Variants in IQGAP2 observed in about 807,000 individuals in gnomAD.
The protein encoded by IQGAP2 is IQ motif containing GTPase activating protein 2.
Under a neutral mutation model 201.3 loss-of-function variants are expected in IQGAP2, and 173 were observed. The observed-to-expected ratio is 0.86, with a 90% CI of 0.76 to 0.98. The LOEUF (loss-of-function observed/expected upper bound fraction) is 0.98, where lower values mean the gene tolerates loss of function less well. Ranked by LOEUF, IQGAP2 falls within the 50% of genes least tolerant of loss-of-function variation. The pLI is 0.00. For synonymous variants in IQGAP2, 675 were observed against 673.9 expected, an observed-to-expected ratio of 1.00 and a Z score of -0.03; for missense variants, 1,687 against 1,864.8, an observed-to-expected ratio of 0.90 and a Z score of 1.76.
intron 2 of IQGAP2, among the ~76,000 whole-genome samples, chr5:76,483,609 C>T (rs1301220067): frequency 1.3e-5 from 2 of 152,142 alleles, no homozygotes; most frequent in East Asian, 1.9e-4. Context: ...TCGAGTCAAG[C>T]ACATAAAAGG....
intron 2 of IQGAP2, among the ~76,000 whole-genome samples, chr5:76,524,793 G>T (rs181298398): frequency 1.3e-5 from 2 of 152,314 alleles, no homozygotes; most frequent in Admixed American, 1.3e-4. Flanking sequence ...AATAGCCTTT[G>T]AAAGATTTAG....
At chr5:76,506,530 G>A (rs1757615605) in intron 2 of IQGAP2, among the ~76,000 whole-genome samples, 1 of 152,128 alleles carries the variant, frequency 6.6e-6, no homozygotes, top group African/African-American at 2.4e-5. Context: ...CTCCAAAATA[G>A]ACAGTAACAG....
chr5:76,484,033 A>G (rs1170002225), intron 2 of IQGAP2, among the ~76,000 whole-genome samples: 2 of 150,264 alleles, frequency 1.3e-5, no homozygotes, highest in East Asian at 2.0e-4. Context: ...AGGGATACAC[A>G]TTTTTTGAGG....
chr5:76,677,197 G>A, intron 27 of IQGAP2, 21 bp from the exon 28 acceptor site: 1 of 1,609,648 alleles, frequency 6.2e-7, no homozygotes, highest in Non-Finnish European at 8.5e-7. Context: ...TCTGTCTTAA[G>A]ACTTTTCCCC....
At chr5:76,597,189 T>C (rs1015845581) in intron 9 of IQGAP2, 2 of 445,204 alleles carry the variant, frequency 4.5e-6, no homozygotes, top group Admixed American at 7.3e-5. Context: ...GAAGTCATGC[T>C]ACTCAGGAAT....
chr5:76,593,825 T>C (rs1269075642), intron 9 of IQGAP2, among the ~76,000 whole-genome samples: 1 of 152,214 alleles, frequency 6.6e-6, no homozygotes, highest in Admixed American at 6.5e-5. Context: ...AACATCCTCG[T>C]TGAGTTTTGA....
chr5:76,705,242 T>C (rs958217751), intron 35 of IQGAP2, among the ~76,000 whole-genome samples: 5 of 152,200 alleles, frequency 3.3e-5, no homozygotes, highest in African/African-American at 9.6e-5. Flanking sequence ...AGGATTCCAG[T>C]TGATCCTGCA....
intron 2 of IQGAP2, among the ~76,000 whole-genome samples, chr5:76,550,287 G>C (rs1278343376): frequency 6.6e-6 from 1 of 151,730 alleles, no homozygotes; most frequent in South Asian, 2.1e-4. Context: ...CAATTTTAAG[G>C]CCTGAAAATA....
chr5:76,678,744 T>C (rs1002729602), intron 28 of IQGAP2, among the ~76,000 whole-genome samples: 4 of 152,228 alleles, frequency 2.6e-5, no homozygotes, highest in Non-Finnish European at 5.9e-5. Flanking sequence ...TTCTCAAAGG[T>C]TGTGCTCTAG....
chr5:76,510,442 G>T, intron 2 of IQGAP2: 1 of 289,466 alleles, frequency 3.5e-6, no homozygotes, highest in South Asian at 3.0e-5. Context: ...CAGGGGTGGC[G>T]CCTGAGGGTC....
chr5:76,634,225 C>G (rs1750943187), intron 15 of IQGAP2, among the ~76,000 whole-genome samples: 1 of 151,748 alleles, frequency 6.6e-6, no homozygotes, highest in African/African-American at 2.4e-5. Flanking sequence ...GTGGTTGTTT[C>G]AGAGACCCAT....
intron 2 of IQGAP2, among the ~76,000 whole-genome samples, chr5:76,501,567 C>T (rs1757274765): frequency 6.6e-6 from 1 of 151,762 alleles, no homozygotes; most frequent in Non-Finnish European, 1.5e-5. Flanking sequence ...CTTCCTCCCA[C>T]CCCATACCAC....
chr5:76,623,122 A>G (rs1749871437), intron 13 of IQGAP2: 1 of 1,587,354 alleles, frequency 6.3e-7, no homozygotes, highest in African/African-American at 1.3e-5. Context: ...TTAATTTGTA[A>G]CAGAAACCCA....
In IQGAP2 at chr5:76,526,207, G is replaced by A. The variant is rs1346589185; in HGVS notation, c.147-36189G>A. ...GATGAGACCTACTTTGTACAGTTGT[G>A]GAAAGGCATAGGAAGATCATGCCTA... On this transcript the variant is annotated intron_variant, in intron 2 of 35. Coordinates refer to ENST00000274364, the MANE Select transcript of IQGAP2 (RefSeq NM_006633.5). Among the ~76,000 whole-genome samples, 3 of 152,272 alleles carry A rather than the reference G, an allele frequency of 2.0e-5. No individual in the cohort carries two copies. In the South Asian group the frequency reaches 6.2e-4, roughly 32 times the overall value.
chr5:76,429,573 A>G (rs1752220326), intron 1 of IQGAP2, among the ~76,000 whole-genome samples: 1 of 133,008 alleles, frequency 7.5e-6, no homozygotes, highest in Non-Finnish European at 1.6e-5. Flanking sequence ...CTCTGTCTCA[A>G]AAAAAAATTT....
chr5:76,677,105 G>A, intron 27 of IQGAP2, 113 bp from the exon 28 acceptor site: 1 of 1,032,294 alleles, frequency 9.7e-7, no homozygotes, highest in East Asian at 2.5e-5. Flanking sequence ...TCCTCTCAAG[G>A]TTTGAGATGG....
chr5:76,597,200 G>C (rs974254694), intron 9 of IQGAP2: 7 of 512,298 alleles, frequency 1.4e-5, no homozygotes, highest in African/African-American at 1.2e-4. Context: ...ACTCAGGAAT[G>C]ATCTCATACC....
chr5:76,512,544 G>C (rs1468003229), intron 2 of IQGAP2, among the ~76,000 whole-genome samples: 1 of 152,190 alleles, frequency 6.6e-6, no homozygotes, highest in Non-Finnish European at 1.5e-5. Flanking sequence ...ACCAAACTCT[G>C]AAGTGTGATA....
chr5:76,600,640 C>T (rs1313223768), intron 10 of IQGAP2, among the ~76,000 whole-genome samples, 172 bp from the exon 11 acceptor site: 2 of 152,194 alleles, frequency 1.3e-5, no homozygotes, highest in Non-Finnish European at 2.9e-5. Context: ...GCCCAGGAGC[C>T]ATATACCTGT....
Sources: gnomAD v4.1 joint callset for allele counts (sites outside exome capture counted in the v4.1 genomes callset) on GRCh38, gnomAD v4.1.1 for gene constraint, MANE v1.5 for transcripts, NCBI Gene and HGNC (gene_info 2026-07-23, HGNC 2026-07-21) for gene names.